The following MICAL3 variants were observed in gnomAD, a reference collection of about 807,000 sequenced individuals.
MICAL3 encodes [F-actin]-monooxygenase MICAL3.
A neutral mutation model predicts 207.4 loss-of-function variants in MICAL3; 62 were observed. The ratio of observed to expected loss-of-function variants is 0.30; its 90% confidence interval spans 0.24 to 0.37. The LOEUF (loss-of-function observed/expected upper bound fraction) is 0.37. Among genes scored for constraint, MICAL3 ranks in the 10% least tolerant of loss-of-function variants. The pLI is 1.00. For synonymous variants in MICAL3, 1,077 were observed against 1,069.3 expected (o/e 1.01, Z -0.14); for missense variants, 2,368 against 2,635.6 (o/e 0.90, Z 2.22).
intron 19 of MICAL3, among the ~76,000 whole-genome samples, chr22:17,855,972 C>G (rs1378744691): frequency 6.6e-6 from 1 of 152,244 alleles, no homozygotes; most frequent in Non-Finnish European, 1.5e-5. Context: ...GTTACGTGGC[C>G]TTGGCCAAGC....
chr22:17,860,994 T>C (rs1926461428), intron 19 of MICAL3: 1 of 984,922 alleles, frequency 1.0e-6, no homozygotes, highest in Non-Finnish European at 1.2e-6. Flanking sequence ...TCTATATACA[T>C]ACAAACGTGT....
chr22:17,902,039 C>G lies in MICAL3; in HGVS notation c.590-60G>C, dbSNP rs1931364297. On this transcript the variant is annotated intron_variant, in intron 4 of 31. Transcript: ENST00000441493. This position sits in a 1 kb window ranked among gnomAD's most constrained non-coding sequence, Gnocchi z 4.5. ...CCCAGACCACATTCACAGCCAGGAC[C>G]ATCTCTAGATACCCAGTCATGTGAA... The G allele has an allele frequency of 1.6e-6, 2 of 1,226,448 alleles. No homozygotes were observed. The highest frequency in any genetic ancestry group is 2.3e-6 in the Non-Finnish European group (2 of 853,310). The allele number at this position is 1,226,448 out of a possible 1,614,324, so 76.0% of individuals were successfully genotyped here.
chr22:17,858,659 GTGT>G (rs1248070263), intron 19 of MICAL3, among the ~76,000 whole-genome samples: 6 of 152,212 alleles, frequency 3.9e-5, no homozygotes, highest in Non-Finnish European at 8.8e-5. Context: ...CTTAGGCAGT[GTGT>G]TAATTAGGGA....
intron 1 of MICAL3, among the ~76,000 whole-genome samples, chr22:18,013,568 T>C (rs930508270): frequency 3.9e-5 from 6 of 152,116 alleles, no homozygotes; most frequent in African/African-American, 1.2e-4. Flanking sequence ...ACTTCCCACA[T>C]AAAAATGCAC....
At chr22:17,835,729 A>G (rs904228037) in intron 20 of MICAL3, among the ~76,000 whole-genome samples, 13 of 152,214 alleles carry the variant, frequency 8.5e-5, no homozygotes, top group African/African-American at 3.1e-4. Flanking sequence ...AGTCATCAGG[A>G]TCACCTTGCC....
At chr22:17,835,475 G>A (rs758114296) in intron 20 of MICAL3, among the ~76,000 whole-genome samples, 4 of 152,194 alleles carry the variant, frequency 2.6e-5, no homozygotes, top group Admixed American at 6.5e-5. Flanking sequence ...GGTCCTGTGC[G>A]TCACACACAA....
intron 1 of MICAL3, among the ~76,000 whole-genome samples, chr22:17,941,912 G>A (rs1933824640): frequency 6.6e-6 from 1 of 152,162 alleles, no homozygotes; most frequent in Non-Finnish European, 1.5e-5. Flanking sequence ...AGGAAGGCCT[G>A]GGGCTGCAGC....
At chr22:18,022,615 G>A (rs920151293) in intron 1 of MICAL3, among the ~76,000 whole-genome samples, 5 of 152,082 alleles carry the variant, frequency 3.3e-5, no homozygotes, top group African/African-American at 9.7e-5. Flanking sequence ...TTTTAGTAGA[G>A]ACTGAGTTTC....
chr22:17,811,941 A>T (rs2062053081), intron 27 of MICAL3, among the ~76,000 whole-genome samples: 1 of 152,014 alleles, frequency 6.6e-6, no homozygotes. Flanking sequence ...CAGAGACGGG[A>T]TCTCGTTATA....
chr22:17,871,381 C>G (rs1051148423), intron 17 of MICAL3, among the ~76,000 whole-genome samples: 12 of 152,184 alleles, frequency 7.9e-5, no homozygotes, highest in African/African-American at 2.9e-4. Context: ...TAACACGGGC[C>G]ACCTTGCAGA....
chr22:17,977,103 A>T (rs1935694411), intron 1 of MICAL3, among the ~76,000 whole-genome samples: 1 of 152,144 alleles, frequency 6.6e-6, no homozygotes, highest in Admixed American at 6.6e-5. Flanking sequence ...CGCCCGGCAG[A>T]GACTTAACTA....
At chr22:17,810,923 G>A in intron 27 of MICAL3, 110 bp from the exon 28 acceptor site, 1 of 809,522 alleles carries the variant, frequency 1.2e-6, no homozygotes, top group Non-Finnish European at 2.1e-6. Context: ...GTCGGAGCTG[G>A]TACCCGGGCA....
chr22:17,877,323 AGGGAGG>A (rs1168856598), intron 16 of MICAL3, among the ~76,000 whole-genome samples: 12 of 127,274 alleles, frequency 9.4e-5, no homozygotes, highest in South Asian at 7.0e-4. Flanking sequence ...TAGGGAGGTT[AGGGAGG>A]TTATGGAGGT....
At chr22:18,013,428 G>C in intron 1 of MICAL3, among the ~76,000 whole-genome samples, 1 of 152,204 alleles carries the variant, frequency 6.6e-6, no homozygotes, top group East Asian at 1.9e-4. Context: ...CTTCAGAGAA[G>C]TTAAAAGATG....
In MICAL3 at chr22:17,897,284, A is replaced by G. The variant is rs7288800; in HGVS notation, c.949-303T>C. ...CTAAAAATACAAAAATCAGCCAGGC[A>G]TGGTGGTGTGTGCCGGTAACCCCAG... is the stretch of plus-strand genomic sequence containing the variant. On this transcript the variant is annotated intron_variant, in intron 7 of 31. Coordinates refer to ENST00000441493, the MANE Select transcript of MICAL3 (RefSeq NM_015241.3). 9.6e-3 allele frequency among the ~76,000 whole-genome samples: 1,455 copies of G among 152,026 alleles called. 23 individuals carry two copies. The highest frequency in any genetic ancestry group is 0.034 in the African/African-American group (1,398 of 41,464).
intron 28 of MICAL3, among the ~76,000 whole-genome samples, chr22:17,809,883 T>A (rs1488730990): frequency 1.4e-5 from 2 of 147,406 alleles, no homozygotes; most frequent in Non-Finnish European, 3.0e-5. Context: ...GGTTCTTCCT[T>A]TTTTTTTTTA....
At chr22:17,877,146 G>A (rs1331820193) in intron 16 of MICAL3, among the ~76,000 whole-genome samples, 11 of 138,648 alleles carry the variant, frequency 7.9e-5, no homozygotes, top group South Asian at 2.3e-4. Flanking sequence ...GGAGGTTATG[G>A]AGGTTAGGGA....
chr22:17,973,554 C>T (rs1935513599), intron 1 of MICAL3, among the ~76,000 whole-genome samples: 1 of 152,132 alleles, frequency 6.6e-6, no homozygotes, highest in Non-Finnish European at 1.5e-5. Flanking sequence ...GGTGGCAGTT[C>T]AGAGTTTGGG....
chr22:17,912,664 T>C (rs982549638), intron 1 of MICAL3, among the ~76,000 whole-genome samples: 6 of 152,244 alleles, frequency 3.9e-5, no homozygotes, highest in African/African-American at 1.2e-4. Flanking sequence ...CTGATTTTTG[T>C]GTATTAACTT....
Sources: allele counts gnomAD v4.1 joint callset (sites outside exome capture counted in the v4.1 genomes callset), GRCh38; gene constraint gnomAD v4.1.1; non-coding constraint Gnocchi (gnomAD v3.1); transcripts MANE v1.5; gene names NCBI Gene and HGNC (gene_info 2026-07-23, HGNC 2026-07-21).